CCDC171: variants seen among roughly 807,000 people sequenced by gnomAD.
CCDC171 encodes coiled-coil domain-containing protein 171.
Under a neutral mutation model 168.2 loss-of-function variants are expected in CCDC171, and 177 were observed. That is an observed-to-expected ratio of 1.05 (90% CI 0.93 to 1.19). The LOEUF is 1.19. Ranked by LOEUF, CCDC171 falls within the 50% of genes most tolerant of loss-of-function variation. The pLI, the probability that CCDC171 is intolerant of heterozygous loss-of-function variation, is 0.00. For missense variants in CCDC171, 1,991 were observed against 1,539.0 expected (o/e 1.29, Z -4.91); for synonymous variants, 687 against 540.8 (o/e 1.27, Z -3.75).
chr9:15,736,971 G>A (rs141756978), intron 16 of CCDC171, among the ~76,000 whole-genome samples: 5 of 152,156 alleles, frequency 3.3e-5, no homozygotes, highest in African/African-American at 1.2e-4. Flanking sequence ...ACATTTTTAA[G>A]TGATTCTTGA....
chr9:15,656,691 T>C (rs1028635470), intron 7 of CCDC171, among the ~76,000 whole-genome samples: 2 of 152,154 alleles, frequency 1.3e-5, no homozygotes, highest in Non-Finnish European at 2.9e-5. Flanking sequence ...CAAACCTCTC[T>C]GTAGTGACAA....
intron 6 of CCDC171, among the ~76,000 whole-genome samples, chr9:15,610,269 G>C (rs149924767): frequency 6.7e-6 from 1 of 150,074 alleles, no homozygotes; most frequent in East Asian, 2.0e-4. Context: ...CTGCTGCAAA[G>C]GCTGGAAATG....
At chr9:15,657,292 T>C (rs1443702389) in intron 8 of CCDC171, 73 bp downstream of exon 8, 23 of 852,994 alleles carry the variant, frequency 2.7e-5, no homozygotes, top group Non-Finnish European at 4.4e-5. Context: ...AACAGCACTG[T>C]GTTCAGAGAA....
Position 15,816,638 on chromosome 9 carries a change from A to G in CCDC171, c.3268-30064A>G, listed in dbSNP as rs1415441607. Among the ~76,000 whole-genome samples the G allele has an allele frequency of 1.7e-5, 2 of 118,452 alleles. 1 individual carries two copies. The highest frequency in any genetic ancestry group is 3.8e-5 in the Non-Finnish European group (2 of 52,570). 77.7% of individuals were successfully genotyped at this position (118,452 alleles called of 152,430 possible). On this transcript the variant is annotated intron_variant, in intron 21 of 25. Coordinates refer to ENST00000380701, the MANE Select transcript of CCDC171 (RefSeq NM_173550.4). ...TTAGGACAGGGTGGTAGGAGTAAAGAGAGGTTAGATTCTGCATGTACTTGC... is the reference window on the plus strand; with the variant it reads ...TTAGGACAGGGTGGTAGGAGTAAAGGGAGGTTAGATTCTGCATGTACTTGC...
chr9:15,803,780 TA>T (rs1240918134), intron 21 of CCDC171, among the ~76,000 whole-genome samples: 2 of 152,064 alleles, frequency 1.3e-5, no homozygotes, highest in African/African-American at 2.4e-5. Flanking sequence ...AATTTTAAAA[TA>T]TTTTTTTCTT....
chr9:16,098,992 C>A, the CCDC171 span, among the ~76,000 whole-genome samples: 3 of 152,064 alleles, frequency 2.0e-5, no homozygotes, highest in Non-Finnish European at 4.4e-5. Flanking sequence ...ATATAATAAG[C>A]CCTTATTTGG....
At chr9:15,955,597 T>C (rs1829711227) in intron 25 of CCDC171, among the ~76,000 whole-genome samples, 1 of 152,130 alleles carries the variant, frequency 6.6e-6, no homozygotes, top group Non-Finnish European at 1.5e-5. Context: ...TGACTGAAAT[T>C]AATCATAATT....
intron 10 of CCDC171, among the ~76,000 whole-genome samples, chr9:15,687,545 A>G (rs539723995): frequency 6.6e-6 from 1 of 152,360 alleles, no homozygotes; most frequent in South Asian, 2.1e-4. Flanking sequence ...CTAACAAGGA[A>G]ATAAAAGAAA....
intron 4 of CCDC171, among the ~76,000 whole-genome samples, chr9:15,583,857 T>G (rs558114080): frequency 7.4e-4 from 113 of 152,280 alleles, no homozygotes; most frequent in Non-Finnish European, 1.4e-3. Flanking sequence ...AAAGAAATGT[T>G]AAGATATAAT....
chr9:15,568,014 C>G (rs1482903013), intron 2 of CCDC171, among the ~76,000 whole-genome samples: 3 of 151,310 alleles, frequency 2.0e-5, no homozygotes, highest in African/African-American at 7.3e-5. Context: ...GAATTGTTTT[C>G]TTAATTTTGT....
chr9:15,837,020 C>A (rs2060482035), intron 21 of CCDC171, among the ~76,000 whole-genome samples: 1 of 152,204 alleles, frequency 6.6e-6, no homozygotes, highest in South Asian at 2.1e-4. Flanking sequence ...ACATCTGCAA[C>A]CCTCTTCACT....
intron 2 of CCDC171, among the ~76,000 whole-genome samples, chr9:15,568,074 A>G (rs576277794): frequency 1.3e-5 from 2 of 151,736 alleles, no homozygotes; most frequent in East Asian, 1.9e-4. Flanking sequence ...ATTTTTGTTT[A>G]TTGATCTTGT....
chr9:15,637,885 T>C (rs576458052), intron 7 of CCDC171, among the ~76,000 whole-genome samples: 91 of 152,154 alleles, frequency 6.0e-4, no homozygotes, highest in African/African-American at 2.1e-3. Flanking sequence ...GACATTTGGG[T>C]TGGTTCCAAG....
chr9:15,756,468 G>C (rs1008309721), intron 18 of CCDC171, among the ~76,000 whole-genome samples: 1 of 152,050 alleles, frequency 6.6e-6, no homozygotes, highest in Non-Finnish European at 1.5e-5. Context: ...TTTGGGGTAC[G>C]AATGATTCTG....
intron 7 of CCDC171, among the ~76,000 whole-genome samples, chr9:15,638,375 T>C (rs2046354310): frequency 1.3e-5 from 2 of 152,146 alleles, no homozygotes; most frequent in South Asian, 4.1e-4. Context: ...CATTTTATGT[T>C]AGTTTTACAC....
At chr9:15,920,111 G>T (rs770461241) in intron 24 of CCDC171, among the ~76,000 whole-genome samples, 159 bp from the exon 25 acceptor site, 2 of 151,590 alleles carry the variant, frequency 1.3e-5, no homozygotes, top group Admixed American at 1.3e-4. Flanking sequence ...AATAGTCACT[G>T]TTCTCAATAT....
At chr9:15,640,885 T>A (rs1224721614) in intron 7 of CCDC171, among the ~76,000 whole-genome samples, 1 of 152,254 alleles carries the variant, frequency 6.6e-6, no homozygotes, top group South Asian at 2.1e-4. Flanking sequence ...ACCTTCTGTT[T>A]AAGGGCTCAA....
At chr9:15,714,699 C>T (rs1204164178) in intron 11 of CCDC171, among the ~76,000 whole-genome samples, 1 of 152,132 alleles carries the variant, frequency 6.6e-6, no homozygotes, top group Non-Finnish European at 1.5e-5. Flanking sequence ...CTAACAGAGA[C>T]CCATCGTCTT....
intron 24 of CCDC171, chr9:15,886,441 C>T (rs1366649360): frequency 4.6e-5 from 7 of 152,196 alleles, no homozygotes; most frequent in South Asian, 2.1e-4. Flanking sequence ...GTTAGGATGG[C>T]TATTACCAGA....
Sources: gnomAD v4.1 joint callset for allele counts (sites outside exome capture counted in the v4.1 genomes callset) on GRCh38, gnomAD v4.1.1 for gene constraint, MANE v1.5 for transcripts, NCBI Gene and HGNC (gene_info 2026-07-23, HGNC 2026-07-21) for gene names.